The following SLC36A2 variants were observed in gnomAD, a reference collection of about 807,000 sequenced individuals.
SLC36A2 encodes the protein solute carrier family 36 member 2.
In SLC36A2, 39 loss-of-function variants were observed where a neutral mutation model predicts 42.7. The ratio of observed to expected loss-of-function variants is 0.91; its 90% CI spans 0.71 to 1.19. The LOEUF is 1.19. Ranked by LOEUF, SLC36A2 falls within the 50% of genes most tolerant of loss-of-function variation. SLC36A2 has a pLI of 0.00. For synonymous variants in SLC36A2, 237 were observed against 240.8 expected, an observed-to-expected ratio of 0.98 and a Z score of 0.15; for missense variants, 590 against 613.7, an observed-to-expected ratio of 0.96 and a Z score of 0.41.
In SLC36A2 at chr5:151,316,769, C is replaced by T. The variant is rs746244466; in HGVS notation, c.*48G>A. On this transcript the variant is annotated 3_prime_UTR_variant, in exon 10 of 10. Coordinates refer to ENST00000335244, the MANE Select transcript of SLC36A2 (RefSeq NM_181776.3). The stretch of plus-strand genomic sequence containing the variant: ...AAAAAAAAAAAAAAAAAAAAGAGAT[C>T]CATATAATTAAAAGTCGGGTGCTGG... The T allele has an allele frequency of 1.4e-4, 172 of 1,242,100 alleles. No homozygotes were observed. The highest frequency in any genetic ancestry group is 4.6e-4 in the Admixed American group (23 of 50,436). The allele number at this position is 1,242,100 out of a possible 1,614,324, so 76.9% of individuals were successfully genotyped here.
At chr5:151,336,199 G>A (rs1756151108) in intron 5 of SLC36A2, among the ~76,000 whole-genome samples, 1 of 152,168 alleles carries the variant, frequency 6.6e-6, no homozygotes, top group Admixed American at 6.5e-5. Flanking sequence ...ATGTGGCATA[G>A]CTAGGGGATT....
intron 7 of SLC36A2, 137 bp from the exon 8 acceptor site, chr5:151,325,589 T>A: frequency 3.2e-6 from 3 of 951,150 alleles, no homozygotes; most frequent in Non-Finnish European, 4.9e-6. Context: ...ATGTTCACAG[T>A]AGTGCTATTC....
intron 9 of SLC36A2, chr5:151,319,227 A>G (rs1755611261): frequency 1.6e-6 from 1 of 612,542 alleles, no homozygotes; most frequent in Non-Finnish European, 2.0e-6. Context: ...ACAATGCATG[A>G]AGAAGTGTAG....
intron 9 of SLC36A2, among the ~76,000 whole-genome samples, chr5:151,320,854 C>T (rs773493584): frequency 9.2e-5 from 14 of 152,206 alleles, no homozygotes; most frequent in Non-Finnish European, 1.8e-4. Context: ...GAGGTTCAAA[C>T]AACACCTGTT....
chr5:151,336,714 A>C (rs1756169525), intron 5 of SLC36A2, among the ~76,000 whole-genome samples: 1 of 139,378 alleles, frequency 7.2e-6, no homozygotes, highest in African/African-American at 2.6e-5. Context: ...CATTATGAAC[A>C]CCCCCTTGTA....
intron 6 of SLC36A2, among the ~76,000 whole-genome samples, chr5:151,334,767 AAT>A (rs1756098502): frequency 6.6e-6 from 1 of 152,166 alleles, no homozygotes. Context: ...ACAGAAAATC[AAT>A]GTCCATAATT....
intron 5 of SLC36A2, among the ~76,000 whole-genome samples, chr5:151,336,489 T>TA (rs1268879529): frequency 3.3e-5 from 4 of 121,172 alleles, no homozygotes; most frequent in South Asian, 5.2e-4. Context: ...TTGCGTATAA[T>TA]AAAAAAAGTC....
intron 7 of SLC36A2, among the ~76,000 whole-genome samples, chr5:151,327,284 G>A (rs1561653971): frequency 6.6e-6 from 1 of 152,148 alleles, no homozygotes; most frequent in Non-Finnish European, 1.5e-5. Context: ...CTCTGAAAAT[G>A]AGATAACTGA....
At chr5:151,318,500 TA>T (rs535021306) in intron 9 of SLC36A2, among the ~76,000 whole-genome samples, 27 of 122,344 alleles carry the variant, frequency 2.2e-4, no homozygotes, top group South Asian at 1.3e-3. Context: ...TTATCTATAA[TA>T]AAAATAAATA....
In SLC36A2 at chr5:151,333,257, T is replaced by C; in HGVS notation, c.810A>G (p.Gly270=). The C allele has an allele frequency of 1.9e-6, 3 of 1,614,002 alleles. No homozygotes were observed. The highest frequency in any genetic ancestry group is 2.5e-6 in the Non-Finnish European group (3 of 1,179,950). Reference sequence around the variant, plus strand: ...TGCTTTCAAAAGAAAAAATGGCTGTTCCGAAGAAGAGAGGGTAGGTCTTCC... The same window carrying C: ...TGCTTTCAAAAGAAAAAATGGCTGTCCCGAAGAAGAGAGGGTAGGTCTTCC... ...ASWKTYPLFF[G]TAIFSFESIG... The change falls in exon 7 of 10, where the codon GGA becomes GGG. Residue 270 remains glycine, a synonymous_variant. Coordinates refer to ENST00000335244, the MANE Select transcript of SLC36A2 (RefSeq NM_181776.3).
intron 4 of SLC36A2, among the ~76,000 whole-genome samples, chr5:151,339,839 A>G (rs1756270362): frequency 6.6e-6 from 1 of 152,226 alleles, no homozygotes; most frequent in African/African-American, 2.4e-5. Context: ...CTGAGAATAC[A>G]CAGACAAATA....
In SLC36A2 at chr5:151,325,266, C is replaced by T. The variant is rs1475821157; in HGVS notation, c.1010+20G>A. 6.2e-7 allele frequency: 1 copy of T among 1,611,376 alleles called. No homozygotes were observed. The highest frequency in any genetic ancestry group is 1.3e-5 in the African/African-American group (1 of 74,864). On this transcript the variant is annotated intron_variant, in intron 8 of 9. Coordinates refer to ENST00000335244, the MANE Select transcript of SLC36A2 (RefSeq NM_181776.3). ...CCACCCATTCCTGAGTCCCCACCAC[C>T]TGACAGCCCATGAAGATACCAGCAG...
chr5:151,321,564 A>G (rs1429915329), intron 9 of SLC36A2, among the ~76,000 whole-genome samples: 1 of 152,106 alleles, frequency 6.6e-6, no homozygotes, highest in African/African-American at 2.4e-5. Flanking sequence ...AGGTACATGT[A>G]AGAATGGGGT....
intron 7 of SLC36A2, among the ~76,000 whole-genome samples, chr5:151,327,871 T>C (rs1030279082): frequency 6.6e-6 from 1 of 152,174 alleles, no homozygotes; most frequent in African/African-American, 2.4e-5. Context: ...ATCTGCACAG[T>C]TCCTAGCTGG....
chr5:151,344,856 A>G (rs560740048), intron 1 of SLC36A2, among the ~76,000 whole-genome samples: 2 of 152,298 alleles, frequency 1.3e-5, no homozygotes, highest in South Asian at 4.2e-4. Context: ...AAAAGGGGAA[A>G]GGGCAGGCAG....
intron 4 of SLC36A2, among the ~76,000 whole-genome samples, chr5:151,341,794 T>C (rs1756352770): frequency 6.6e-6 from 1 of 152,170 alleles, no homozygotes; most frequent in Non-Finnish European, 1.5e-5. Flanking sequence ...TAAACCCATA[T>C]ATCCCCACTA....
At chr5:151,322,818 G>A (rs1755734568) in intron 8 of SLC36A2, among the ~76,000 whole-genome samples, 1 of 152,186 alleles carries the variant, frequency 6.6e-6, no homozygotes, top group Non-Finnish European at 1.5e-5. Context: ...TCAAGCTAGG[G>A]GCAGAGTGTG....
Position 151,339,067 on chromosome 5 carries a change from A to G in SLC36A2, c.518T>C (p.Leu173Ser). Residue 173 changes from leucine to serine, a missense_variant, in exon 5 of 10, where the codon TTA becomes TCA. Coordinates refer to ENST00000335244, the MANE Select transcript of SLC36A2 (RefSeq NM_181776.3). ...CVYIVFLADNLKQVVEAVNST... is the reference protein window; with the variant it reads ...CVYIVFLADNSKQVVEAVNST... ...TTCTCTAGAAGCCTCTACCTGTTTT[A>G]AATTATCAGCCAAAAACACAATGTA... 1 of 1,609,430 alleles carries G rather than the reference A, an allele frequency of 6.2e-7. No individual in the cohort carries two copies. Among genetic ancestry groups the G allele is most frequent in the Non-Finnish European group, 8.5e-7 (1 of 1,176,704 alleles).
At chr5:151,335,171 C>T (rs776834254) in intron 6 of SLC36A2, among the ~76,000 whole-genome samples, 158 bp downstream of exon 6, 18 of 152,106 alleles carry the variant, frequency 1.2e-4, no homozygotes, top group African/African-American at 2.4e-4. Flanking sequence ...TGGGACTGCA[C>T]GGAGACATCC....
Sources: allele counts gnomAD v4.1 joint callset (sites outside exome capture counted in the v4.1 genomes callset), GRCh38; gene constraint gnomAD v4.1.1; transcripts MANE v1.5; gene names NCBI Gene and HGNC (gene_info 2026-07-23, HGNC 2026-07-21).